The following CACUL1 variants were observed in gnomAD, a reference collection of about 807,000 sequenced individuals.
The protein encoded by CACUL1 is CDK2-associated and cullin domain-containing protein 1.
Under a neutral mutation model 45.2 loss-of-function variants are expected in CACUL1, and 13 were observed. The ratio of observed to expected loss-of-function variants is 0.29; its 90% confidence interval spans 0.19 to 0.46. CACUL1 has a LOEUF of 0.46. Among genes scored for constraint, CACUL1 ranks in the 20% least tolerant of loss-of-function variants. The probability of loss-of-function intolerance (pLI) is 1.00; values close to 1 mark genes in which losing one functional copy is unlikely to be tolerated. For missense variants in CACUL1, 421 were observed against 471.4 expected, an observed-to-expected ratio of 0.89 and a Z score of 0.99; for synonymous variants, 197 against 174.2, an observed-to-expected ratio of 1.13 and a Z score of -1.03.
intron 6 of CACUL1, among the ~76,000 whole-genome samples, chr10:118,694,068 G>C (rs191943527): frequency 6.6e-6 from 1 of 152,292 alleles, no homozygotes; most frequent in African/African-American, 2.4e-5. Flanking sequence ...GTTTCACCGT[G>C]TTAGCCAGGA....
intron 3 of CACUL1, 84 bp from the exon 4 acceptor site, chr10:118,707,671 T>C: frequency 1.8e-6 from 1 of 554,240 alleles, no homozygotes; most frequent in South Asian, 2.8e-5. Flanking sequence ...ACAGAAGGAA[T>C]TCAAAATTCA....
intron 1 of CACUL1, among the ~76,000 whole-genome samples, chr10:118,732,196 G>A (rs1287555591): frequency 6.6e-6 from 1 of 152,182 alleles, no homozygotes; most frequent in African/African-American, 2.4e-5. Flanking sequence ...GAGCTGATAT[G>A]GGGTTGGGCC....
chr10:118,739,086 C>T (rs1245343190), intron 1 of CACUL1, among the ~76,000 whole-genome samples: 1 of 151,510 alleles, frequency 6.6e-6, no homozygotes, highest in East Asian at 1.9e-4. Context: ...TTCCCAGCTA[C>T]TCGGGAGGCT....
chr10:118,713,128 G>C lies in CACUL1; in HGVS notation c.598-5541C>G, dbSNP rs578258284. On this transcript the variant is annotated intron_variant, in intron 3 of 8. Transcript: ENST00000369151. ...TGTCAGTGCCCAAAGTCCGGAGGGG[G>C]CCGAGGCAGCAGAGGGCTAGTGTGT... Among the ~76,000 whole-genome samples the C allele has an allele frequency of 2.5e-3, 382 of 152,324 alleles. 1 individual carries two copies. Among genetic ancestry groups the C allele is most frequent in the Middle Eastern group, 0.01 (3 of 294 alleles).
At chr10:118,703,956 A>C (rs1185419660) in intron 4 of CACUL1, among the ~76,000 whole-genome samples, 1 of 151,194 alleles carries the variant, frequency 6.6e-6, no homozygotes, top group African/African-American at 2.5e-5. Flanking sequence ...TATATTTTCC[A>C]ATTTTGCATT....
chr10:118,733,301 TAGAG>T (rs1330283929), intron 1 of CACUL1, among the ~76,000 whole-genome samples: 1 of 152,156 alleles, frequency 6.6e-6, no homozygotes, highest in African/African-American at 2.4e-5. Flanking sequence ...TGTGTCACAG[TAGAG>T]AATCTTAAAC....
chr10:118,691,886 A>G (rs1050266661), intron 6 of CACUL1, among the ~76,000 whole-genome samples: 7 of 150,746 alleles, frequency 4.6e-5, no homozygotes, highest in South Asian at 2.1e-4. Context: ...AAAAAAAAAA[A>G]AAAAGAAAAA....
chr10:118,686,076 G>A lies in CACUL1; in HGVS notation c.*52C>T. ...CCACTGTGCTCTGAATACAGTCTCTGCAGCTCCAGTGTGTCCTCTTTTCAG... is the reference window on the plus strand; with the variant it reads ...CCACTGTGCTCTGAATACAGTCTCTACAGCTCCAGTGTGTCCTCTTTTCAG... On this transcript the variant is annotated 3_prime_UTR_variant, in exon 9 of 9. Coordinates refer to ENST00000369151, the MANE Select transcript of CACUL1 (RefSeq NM_153810.5). The A allele has an allele frequency of 7.2e-7, 1 of 1,396,890 alleles. No homozygotes were observed. The highest frequency in any genetic ancestry group is 1.0e-6 in the Non-Finnish European group (1 of 982,898). 86.5% of individuals were successfully genotyped at this position (1,396,890 alleles called of 1,614,324 possible).
chr10:118,744,884 G>T (rs1845826767), intron 1 of CACUL1, among the ~76,000 whole-genome samples: 1 of 152,032 alleles, frequency 6.6e-6, no homozygotes, highest in Non-Finnish European at 1.5e-5. Context: ...TCAAACTCCT[G>T]ACCTTGTGAT....
At chr10:118,742,097 A>G (rs1845798367) in intron 1 of CACUL1, among the ~76,000 whole-genome samples, 1 of 152,210 alleles carries the variant, frequency 6.6e-6, no homozygotes, top group Non-Finnish European at 1.5e-5. Flanking sequence ...ATCACCTCCC[A>G]CATTCAACTG....
chr10:118,713,169 C>T (rs1845507887), intron 3 of CACUL1, among the ~76,000 whole-genome samples: 1 of 152,154 alleles, frequency 6.6e-6, no homozygotes, highest in Non-Finnish European at 1.5e-5. Context: ...CTGCCCTCAG[C>T]GTGTGCACAG....
intron 1 of CACUL1, among the ~76,000 whole-genome samples, chr10:118,741,979 C>T (rs1564839080): frequency 6.6e-6 from 1 of 152,220 alleles, no homozygotes; most frequent in East Asian, 1.9e-4. Flanking sequence ...ACCCCCTATC[C>T]TCCTGGCCAA....
At chr10:118,691,467 G>T in intron 6 of CACUL1, 64 bp from the exon 7 acceptor site, 2 of 1,456,498 alleles carry the variant, frequency 1.4e-6, no homozygotes, top group Non-Finnish European at 1.9e-6. Flanking sequence ...AATGGAAAAG[G>T]GAAAGTTTTC....
intron 1 of CACUL1, among the ~76,000 whole-genome samples, chr10:118,734,329 G>A (rs1845722570): frequency 6.6e-6 from 1 of 152,150 alleles, no homozygotes; most frequent in African/African-American, 2.4e-5. Flanking sequence ...CGTGGCTAAA[G>A]AGTATATACA....
intron 1 of CACUL1, among the ~76,000 whole-genome samples, chr10:118,743,776 G>C (rs1845814101): frequency 6.6e-6 from 1 of 151,730 alleles, no homozygotes; most frequent in African/African-American, 2.4e-5. Flanking sequence ...ACAATGGAAA[G>C]ACTCTTTAAA....
In CACUL1 at chr10:118,686,140, C is replaced by T. The variant is rs370059990; in HGVS notation, c.1098G>A (p.Arg366=). The T allele has an allele frequency of 6.2e-7, 1 of 1,612,678 alleles. No individual in the cohort carries two copies. Among genetic ancestry groups the T allele is most frequent in the Non-Finnish European group, 8.5e-7 (1 of 1,178,840 alleles). Residue 366 remains arginine, a synonymous_variant, in exon 9 of 9, where the codon AGG becomes AGA. Coordinates refer to ENST00000369151, the MANE Select transcript of CACUL1 (RefSeq NM_153810.5). ...TTCAATACATTCACTATCTGTACCC[C>T]CTGGAACTTGCACATGCTGACGAGC... The part of the protein sequence containing the change: ...YNSSSACASS[R]GYR
intron 3 of CACUL1, 140 bp from the exon 4 acceptor site, chr10:118,707,727 T>C: frequency 1.9e-6 from 1 of 538,878 alleles, no homozygotes; most frequent in South Asian, 2.7e-5. Context: ...GGAAGACACG[T>C]ACACTCTGAA....
At chr10:118,686,521 C>T in intron 8 of CACUL1, 77 bp downstream of exon 8, 2 of 1,092,692 alleles carry the variant, frequency 1.8e-6, no homozygotes, top group Middle Eastern at 2.0e-4. Flanking sequence ...AAATTCAATG[C>T]ACTGTTATCA....
rs1167026361 is a variant in CACUL1 at position 118,677,580 on chromosome 10, A to C, written c.*8548T>G. 2 of 152,154 alleles carry C rather than the reference A, an allele frequency of 1.3e-5. No homozygotes were observed. The highest frequency in any genetic ancestry group is 4.8e-5 in the African/African-American group (2 of 41,402). The allele number at this position is 152,154 out of a possible 1,614,324, so 9.4% of individuals were successfully genotyped here. On this transcript the variant is annotated 3_prime_UTR_variant, in exon 9 of 9. Transcript: ENST00000369151. ...ACTACTTGTGTCTGAGTCCCTAAAC[A>C]ATATACTTAGTTTTTTCTGATTTTG... is the stretch of plus-strand genomic sequence containing the variant.
Sources: allele counts gnomAD v4.1 joint callset (sites outside exome capture counted in the v4.1 genomes callset), GRCh38; gene constraint gnomAD v4.1.1; transcripts MANE v1.5; gene names NCBI Gene and HGNC (gene_info 2026-07-23, HGNC 2026-07-21).